The following ITFG2 variants were observed in gnomAD, a reference collection of about 807,000 sequenced individuals.
ITFG2 encodes KICSTOR complex protein ITFG2.
ITFG2 carries 36 observed loss-of-function variants against 54.4 expected under a neutral mutation model. That is an observed-to-expected ratio of 0.66 (90% confidence interval 0.51 to 0.87). The LOEUF (loss-of-function observed/expected upper bound fraction) is 0.87. Ranked by LOEUF, ITFG2 falls within the 40% of genes least tolerant of loss-of-function variation. The probability of loss-of-function intolerance (pLI) is 0.00; values close to 1 mark genes in which losing one functional copy is unlikely to be tolerated. For synonymous variants in ITFG2, 211 were observed against 225.4 expected, an observed-to-expected ratio of 0.94 and a Z score of 0.57; for missense variants, 524 against 576.7, an observed-to-expected ratio of 0.91 and a Z score of 0.94.
intron 2 of ITFG2, chr12:2,855,164 T>C (rs1196428270): frequency 1.3e-6 from 2 of 1,521,030 alleles, no homozygotes; most frequent in African/African-American, 1.4e-5. Context: ...CGCCAGACAT[T>C]GCTATCGTAG....
rs185707858 is a variant in ITFG2 at position 2,812,738 on chromosome 12, C to T, written c.-23C>T. 1.3e-6 allele frequency: 2 copies of T among 1,585,586 alleles called. No homozygotes were observed. The highest frequency in any genetic ancestry group is 1.1e-5 in the South Asian group (1 of 90,472). Reference sequence around the variant, plus strand: ...AGGGAATATTTACTGGGCCTCTCCGCTCCCTCTGCTCTTGGAGGTGCCATG... The same window carrying T: ...AGGGAATATTTACTGGGCCTCTCCGTTCCCTCTGCTCTTGGAGGTGCCATG... On this transcript the variant is annotated 5_prime_UTR_variant, in exon 1 of 12. Transcript: ENST00000228799.
chr12:2,820,287 G>C, intron 5 of ITFG2, 62 bp downstream of exon 5: 1 of 1,492,992 alleles, frequency 6.7e-7, no homozygotes. Context: ...TCCTGGAGGA[G>C]GTAGTGGGAG....
intron 1 of ITFG2, among the ~76,000 whole-genome samples, chr12:2,816,021 C>G (rs1274806263): frequency 6.6e-6 from 1 of 151,010 alleles, no homozygotes; most frequent in Non-Finnish European, 1.5e-5. Flanking sequence ...TGCACCACCA[C>G]ACCTGGATAA....
chr12:2,857,298 C>G (rs1010388789), intron 2 of ITFG2: 2 of 508,786 alleles, frequency 3.9e-6, no homozygotes, highest in East Asian at 3.5e-5. Context: ...GGCTGGCTCC[C>G]AGGCCTCAGG....
chr12:2,819,007 G>A (rs1032468589), intron 4 of ITFG2, among the ~76,000 whole-genome samples: 26 of 150,944 alleles, frequency 1.7e-4, no homozygotes, highest in Admixed American at 1.1e-3. Context: ...AACAGACTCC[G>A]TCTCCAAAAA....
chr12:2,857,237 C>T, intron 2 of ITFG2: 1 of 582,572 alleles, frequency 1.7e-6, no homozygotes, highest in Admixed American at 2.9e-5. Context: ...CAAGTTCTGA[C>T]TGCAAAAAAC....
intron 2 of ITFG2, among the ~76,000 whole-genome samples, chr12:2,856,135 A>G (rs1244030512): frequency 1.3e-5 from 2 of 152,186 alleles, no homozygotes; most frequent in Non-Finnish European, 2.9e-5. Flanking sequence ...CTCTATGAGC[A>G]AGTATTGCTA....
At chr12:2,816,667 C>T (rs1402840656) in intron 1 of ITFG2, among the ~76,000 whole-genome samples, 1 of 118,472 alleles carries the variant, frequency 8.4e-6, no homozygotes, top group East Asian at 2.5e-4. Context: ...GAGACAGGGT[C>T]TCACTCTGTC....
intron 3 of ITFG2, chr12:2,858,688 G>A (rs1247358445): frequency 2.5e-6 from 4 of 1,614,074 alleles, no homozygotes; most frequent in Non-Finnish European, 3.4e-6. Flanking sequence ...TCAGGGCCCA[G>A]TGGGTCCTCG....
At chr12:2,852,524 G>A (rs971471089) in intron 2 of ITFG2, among the ~76,000 whole-genome samples, 3 of 152,108 alleles carry the variant, frequency 2.0e-5, no homozygotes, top group Admixed American at 1.3e-4. Flanking sequence ...GTGCCACCAT[G>A]CCTGGCTAAT....
At chr12:2,814,307 A>T (rs1434811458) in intron 1 of ITFG2, among the ~76,000 whole-genome samples, 9 of 152,180 alleles carry the variant, frequency 5.9e-5, no homozygotes, top group African/African-American at 1.4e-4. Flanking sequence ...ATTTTATCTG[A>T]TTGCCTTCTT....
intron 1 of ITFG2, 83 bp downstream of exon 1, chr12:2,812,939 C>A: frequency 8.2e-7 from 1 of 1,215,650 alleles, no homozygotes; most frequent in Non-Finnish European, 1.2e-6. Context: ...CCCGAGCGTG[C>A]CACGTGAGCG....
intron 3 of ITFG2, 37 bp from the exon 4 acceptor site, chr12:2,818,069 C>G (rs1339424288): frequency 6.2e-7 from 1 of 1,609,694 alleles, no homozygotes; most frequent in Non-Finnish European, 8.5e-7. Context: ...AAAACTCCCT[C>G]CCCAGTCCAT....
chr12:2,831,273 A>G (rs1565431312), downstream of ITFG2, among the ~76,000 whole-genome samples: 2 of 151,350 alleles, frequency 1.3e-5, no homozygotes, highest in Non-Finnish European at 1.5e-5. Flanking sequence ...TGATGGTATG[A>G]TGAAAAACAG....
intron 1 of ITFG2, among the ~76,000 whole-genome samples, chr12:2,838,216 C>T (rs890811132): frequency 2.6e-5 from 4 of 151,300 alleles, no homozygotes; most frequent in Non-Finnish European, 4.5e-5. Context: ...TATTGAGTGA[C>T]ACACAGCGTG....
chr12:2,819,013 A>C (rs79336400), intron 4 of ITFG2, among the ~76,000 whole-genome samples: 12 of 145,504 alleles, frequency 8.2e-5, no homozygotes, highest in Non-Finnish European at 1.8e-4. Context: ...CTCCGTCTCC[A>C]AAAAAAAAAA....
chr12:2,853,774 C>A (rs1174389367), intron 2 of ITFG2, among the ~76,000 whole-genome samples: 1 of 152,194 alleles, frequency 6.6e-6, no homozygotes, highest in East Asian at 1.9e-4. Context: ...GGGAAGCATC[C>A]GTGAGTTCCC....
chr12:2,816,155 C>T (rs1197816651), intron 1 of ITFG2, among the ~76,000 whole-genome samples: 2 of 151,652 alleles, frequency 1.3e-5, no homozygotes, highest in Non-Finnish European at 1.5e-5. Context: ...CTCAGCCTCC[C>T]GAGTAGCTGG....
At chr12:2,837,448 AGCCTAGGC>A (rs2098031249) in intron 1 of ITFG2, among the ~76,000 whole-genome samples, 1 of 152,048 alleles carries the variant, frequency 6.6e-6, no homozygotes, top group African/African-American at 2.4e-5. Flanking sequence ...ACTGCACTCC[AGCCTAGGC>A]GACAGAGAGA....
Sources: gnomAD v4.1 joint callset for allele counts (sites outside exome capture counted in the v4.1 genomes callset) on GRCh38, gnomAD v4.1.1 for gene constraint, MANE v1.5 for transcripts, NCBI Gene and HGNC (gene_info 2026-07-23, HGNC 2026-07-21) for gene names.